Variants in ANGPT1 observed in about 807,000 individuals in gnomAD.
The protein encoded by ANGPT1 is angiopoietin-1.
Under a neutral mutation model 62.2 loss-of-function variants are expected in ANGPT1, and 17 were observed. The ratio of observed to expected loss-of-function variants is 0.27; its 90% CI spans 0.19 to 0.41. The LOEUF (loss-of-function observed/expected upper bound fraction) is 0.41. Ranked by LOEUF, ANGPT1 falls within the 10% of genes least tolerant of loss-of-function variation. ANGPT1 has a pLI of 1.00. For synonymous variants in ANGPT1, 199 were observed against 198.9 expected, an observed-to-expected ratio of 1.00 and a Z score of 0.00; for missense variants, 478 against 594.9, an observed-to-expected ratio of 0.80 and a Z score of 2.04.
intron 6 of ANGPT1, among the ~76,000 whole-genome samples, chr8:107,293,317 G>C (rs1288872051): frequency 1.3e-5 from 2 of 151,958 alleles, no homozygotes; most frequent in Non-Finnish European, 1.5e-5. Flanking sequence ...CTTAAATCTG[G>C]ACTTTCCTTT....
intron 7 of ANGPT1, among the ~76,000 whole-genome samples, chr8:107,265,594 C>A (rs1397611436): frequency 6.6e-6 from 1 of 152,130 alleles, no homozygotes; most frequent in Non-Finnish European, 1.5e-5. Context: ...CACTGCTTCT[C>A]CATACCAGCA....
chr8:107,311,024 TGTGTGA>T, intron 4 of ANGPT1, among the ~76,000 whole-genome samples: 1 of 151,242 alleles, frequency 6.6e-6, no homozygotes, highest in African/African-American at 2.4e-5. Context: ...TATGTGAGTG[TGTGTGA>T]GTGTGTGTGT....
chr8:107,482,185 G>A (rs573969739), intron 1 of ANGPT1, among the ~76,000 whole-genome samples: 8 of 151,964 alleles, frequency 5.3e-5, no homozygotes, highest in Non-Finnish European at 8.8e-5. Context: ...TTGAAGTTCC[G>A]TCATATTACC....
chr8:107,493,151 C>T (rs1447672461), intron 1 of ANGPT1, among the ~76,000 whole-genome samples: 1 of 150,246 alleles, frequency 6.7e-6, no homozygotes, highest in African/African-American at 2.5e-5. Flanking sequence ...AAAAATTAAT[C>T]CAGACCCTTA....
rs147574303 is a variant in ANGPT1, at chr8:107,461,820, C to T, written c.297+35442G>A. Among the ~76,000 whole-genome samples, 642 of 152,038 alleles carry T rather than the reference C, an allele frequency of 4.2e-3. 3 individuals carry two copies. Among genetic ancestry groups the T allele is most frequent in the African/African-American group, 0.014 (600 of 41,498 alleles). ...ATAAATGCATATTGATGGTATGGGG[C>T]GATCTCTCTACACACTGAAATATAC... is the stretch of plus-strand genomic sequence containing the variant. On this transcript the variant is annotated intron_variant, in intron 1 of 8. Coordinates refer to ENST00000517746, the MANE Select transcript of ANGPT1 (RefSeq NM_001146.5).
chr8:107,253,764 A>T (rs1813297456), intron 8 of ANGPT1, among the ~76,000 whole-genome samples: 1 of 152,234 alleles, frequency 6.6e-6, no homozygotes. Context: ...AATAAAGAGC[A>T]CAGGCTAAAG....
At chr8:107,488,929 A>G (rs1812885861) in intron 1 of ANGPT1, among the ~76,000 whole-genome samples, 1 of 152,218 alleles carries the variant, frequency 6.6e-6, no homozygotes, top group Non-Finnish European at 1.5e-5. Flanking sequence ...AAGGGTTTAG[A>G]GAAGAACTAT....
At chr8:107,438,063 C>T (rs890077357) in intron 1 of ANGPT1, among the ~76,000 whole-genome samples, 4 of 152,034 alleles carry the variant, frequency 2.6e-5, no homozygotes, top group East Asian at 3.9e-4. Flanking sequence ...TCTAAGCATC[C>T]GATAGGTGCC....
intron 2 of ANGPT1, among the ~76,000 whole-genome samples, chr8:107,340,320 AC>A (rs1446428915): frequency 6.6e-6 from 1 of 152,154 alleles, no homozygotes; most frequent in Non-Finnish European, 1.5e-5. Flanking sequence ...TCCAAAATAT[AC>A]CTAAGAGTAA....
chr8:107,329,204 G>A (rs1586228851), intron 3 of ANGPT1, among the ~76,000 whole-genome samples: 1 of 151,980 alleles, frequency 6.6e-6, no homozygotes, highest in African/African-American at 2.4e-5. Context: ...ACATATGTTA[G>A]TATGTTTAGA....
chr8:107,361,552 T>TATATGGGATGGG (rs1491098455), intron 1 of ANGPT1, among the ~76,000 whole-genome samples: 9 of 26,736 alleles, frequency 3.4e-4, no homozygotes, highest in African/African-American at 9.3e-4. Context: ...ATAGAATATA[T>TATATGGGATGGG]GTATATATTA....
chr8:107,459,705 G>A (rs1274090164), intron 1 of ANGPT1, among the ~76,000 whole-genome samples: 1 of 151,380 alleles, frequency 6.6e-6, no homozygotes, highest in Non-Finnish European at 1.5e-5. Context: ...GGTCCAACAT[G>A]TTTGCATAAA....
At chr8:107,264,402 G>A in intron 7 of ANGPT1, 51 bp from the exon 8 acceptor site, 7 of 1,579,918 alleles carry the variant, frequency 4.4e-6, no homozygotes, top group Non-Finnish European at 6.0e-6. Context: ...CAGAATAACA[G>A]AACCCAGAAG....
intron 8 of ANGPT1, among the ~76,000 whole-genome samples, chr8:107,257,870 G>GTTTTTTTTTTTT (rs750634420): frequency 6.2e-4 from 28 of 45,222 alleles, no homozygotes; most frequent in Non-Finnish European, 9.2e-4. Flanking sequence ...CCAAGGACTT[G>GTTTTTTTTTTTT]TTTTTGTTTC....
intron 1 of ANGPT1, among the ~76,000 whole-genome samples, chr8:107,353,669 A>G (rs1313899531): frequency 6.6e-6 from 1 of 152,118 alleles, no homozygotes; most frequent in African/African-American, 2.4e-5. Context: ...AAATTCTAAA[A>G]TTAGTTCAGG....
intron 1 of ANGPT1, among the ~76,000 whole-genome samples, chr8:107,362,311 C>T (rs1816183247): frequency 6.6e-6 from 1 of 152,092 alleles, no homozygotes; most frequent in African/African-American, 2.4e-5. Flanking sequence ...TAATTAGTAG[C>T]TGTTAAAGTG....
intron 7 of ANGPT1, among the ~76,000 whole-genome samples, chr8:107,273,348 G>A (rs1383628948): frequency 6.6e-6 from 1 of 151,984 alleles, no homozygotes; most frequent in East Asian, 1.9e-4. Context: ...TTCCCTTGTT[G>A]TACTTGGACA....
At chr8:107,352,888 T>C (rs1038174598) in intron 1 of ANGPT1, among the ~76,000 whole-genome samples, 2 of 152,140 alleles carry the variant, frequency 1.3e-5, no homozygotes, top group Admixed American at 6.6e-5. Flanking sequence ...TAAATGTTGA[T>C]GGTTTTATCT....
intron 1 of ANGPT1, among the ~76,000 whole-genome samples, chr8:107,372,036 GA>G (rs201174555): frequency 5.8e-4 from 87 of 150,862 alleles, no homozygotes; most frequent in South Asian, 2.1e-3. Context: ...GAAATTACTA[GA>G]AAAAAAAATG....
Sources: allele counts gnomAD v4.1 joint callset (sites outside exome capture counted in the v4.1 genomes callset), GRCh38; gene constraint gnomAD v4.1.1; transcripts MANE v1.5; gene names NCBI Gene and HGNC (gene_info 2026-07-23, HGNC 2026-07-21).